GABRB3: variants seen among roughly 807,000 people sequenced by gnomAD.
GABRB3 encodes the protein gamma-aminobutyric acid type A receptor subunit beta3.
In GABRB3, 14 loss-of-function variants were observed where a neutral mutation model predicts 52.1. The ratio of observed to expected loss-of-function variants is 0.27; its 90% CI spans 0.18 to 0.42. The LOEUF (loss-of-function observed/expected upper bound fraction) is 0.42. Ranked by LOEUF, GABRB3 falls within the 10% of genes least tolerant of loss-of-function variation. GABRB3 has a pLI of 1.00. For synonymous variants in GABRB3, 260 were observed against 232.3 expected (o/e 1.12, Z -1.08); for missense variants, 307 against 609.1 (o/e 0.50, Z 5.22).
intron 4 of GABRB3, among the ~76,000 whole-genome samples, chr15:26,588,203 G>A (rs575660476): frequency 2.6e-5 from 4 of 152,192 alleles, no homozygotes; most frequent in Admixed American, 2.0e-4. Flanking sequence ...CAAAAAAGTC[G>A]ACAAAGAGAC....
chr15:26,712,707 G>A (rs1889337695), intron 3 of GABRB3, among the ~76,000 whole-genome samples: 1 of 152,180 alleles, frequency 6.6e-6, no homozygotes. Context: ...GAAGGCACTG[G>A]AAAGGCGAGG....
At chr15:26,623,877 A>G (rs1892580687) in intron 3 of GABRB3, among the ~76,000 whole-genome samples, 1 of 152,020 alleles carries the variant, frequency 6.6e-6, no homozygotes, top group Non-Finnish European at 1.5e-5. Flanking sequence ...AGCAGCCCCC[A>G]TGGCATGGTG....
chr15:26,590,044 G>T (rs548160794), intron 4 of GABRB3, among the ~76,000 whole-genome samples: 15 of 152,250 alleles, frequency 9.9e-5, no homozygotes, highest in Admixed American at 5.2e-4. Flanking sequence ...GGGGTCACCG[G>T]TCAAGAGGCT....
At chr15:26,560,813 A>G in intron 8 of GABRB3, 119 bp downstream of exon 8, 2 of 1,440,492 alleles carry the variant, frequency 1.4e-6, no homozygotes, top group Non-Finnish European at 1.9e-6. Context: ...CACAAGTACA[A>G]GAAGGGTGTG....
intron 3 of GABRB3, among the ~76,000 whole-genome samples, chr15:26,737,470 G>C (rs1252602565): frequency 1.3e-5 from 2 of 152,192 alleles, no homozygotes; most frequent in Non-Finnish European, 2.9e-5. Flanking sequence ...ATGTGTATGT[G>C]CTCAATGAAT....
chr15:26,595,603 G>C (rs1891369387), intron 4 of GABRB3, among the ~76,000 whole-genome samples: 1 of 152,118 alleles, frequency 6.6e-6, no homozygotes. Flanking sequence ...GGGGACAAGA[G>C]CTTGGAGCTT....
chr15:26,764,947 G>A lies in GABRB3; in HGVS notation c.240+7455C>T, dbSNP rs564286777. On this transcript the variant is annotated intron_variant, in intron 3 of 8. Coordinates refer to ENST00000311550, the MANE Select transcript of GABRB3 (RefSeq NM_000814.6). ...AGATCGAGACCATCCTGGCTAACAC[G>A]GTGAAAACCCGTCTCTACTAAAACC... Among the ~76,000 whole-genome samples, 15 of 152,022 alleles carry A rather than the reference G, an allele frequency of 9.9e-5. No homozygotes were observed. The South Asian group carries it at 1.0e-3, about 11-fold the overall frequency.
chr15:26,688,145 G>A (rs1260754645), intron 3 of GABRB3, among the ~76,000 whole-genome samples: 2 of 152,184 alleles, frequency 1.3e-5, no homozygotes, highest in Admixed American at 6.5e-5. Flanking sequence ...AGATGGCATA[G>A]TTTGGAGTCA....
intron 3 of GABRB3, among the ~76,000 whole-genome samples, chr15:26,722,340 AAG>A (rs1946001876): frequency 6.6e-6 from 1 of 152,162 alleles, no homozygotes; most frequent in Admixed American, 6.5e-5. Context: ...GCTTGTTTAT[AAG>A]AGAGAGAATT....
intron 3 of GABRB3, among the ~76,000 whole-genome samples, chr15:26,754,986 T>C (rs1015400414): frequency 6.7e-6 from 1 of 149,538 alleles, no homozygotes; most frequent in Non-Finnish European, 1.5e-5. Context: ...CAGATAAAAA[T>C]GGTTAGAGCC....
At chr15:26,676,450 C>G (rs771685239) in intron 3 of GABRB3, among the ~76,000 whole-genome samples, 17 of 152,170 alleles carry the variant, frequency 1.1e-4, no homozygotes, top group Admixed American at 8.5e-4. Context: ...AAAACTACCA[C>G]TTGGGAAGAT....
chr15:26,623,735 C>T (rs1323329864), intron 3 of GABRB3, among the ~76,000 whole-genome samples: 1 of 152,112 alleles, frequency 6.6e-6, no homozygotes, highest in East Asian at 1.9e-4. Flanking sequence ...AGCCCCTGTG[C>T]CCCAAGGGCC....
chr15:26,624,334 T>C, intron 3 of GABRB3: 1 of 985,580 alleles, frequency 1.0e-6, no homozygotes, highest in South Asian at 4.7e-5. Flanking sequence ...GTTACACTCG[T>C]ATTGAAATAG....
intron 4 of GABRB3, chr15:26,590,182 G>C (rs1891142499): frequency 7.3e-6 from 1 of 137,724 alleles, no homozygotes; most frequent in South Asian, 2.7e-4. Context: ...AGAGCTTTAT[G>C]GCTTCAGCTG....
At chr15:26,716,554 C>A (rs1373662469) in intron 3 of GABRB3, 1 of 986,632 alleles carries the variant, frequency 1.0e-6, no homozygotes, top group Non-Finnish European at 1.2e-6. Context: ...AACCCATAAA[C>A]CGTCTTCACC....
chr15:26,641,573 A>G (rs2140573152), intron 3 of GABRB3, among the ~76,000 whole-genome samples: 1 of 152,326 alleles, frequency 6.6e-6, no homozygotes, highest in East Asian at 1.9e-4. Flanking sequence ...TTGCCCCTCA[A>G]CTGTCCTTGA....
chr15:26,751,248 A>G (rs1195790820), intron 3 of GABRB3, among the ~76,000 whole-genome samples: 3 of 152,218 alleles, frequency 2.0e-5, no homozygotes, highest in African/African-American at 7.2e-5. Context: ...TTAACAAAGC[A>G]CGTTTTACTA....
At chr15:26,550,136 G>C (rs1454823190) in intron 8 of GABRB3, 1 of 152,150 alleles carries the variant, frequency 6.6e-6, no homozygotes, top group Non-Finnish European at 1.5e-5. Flanking sequence ...TTCAAAAGTA[G>C]AGAACTTTCT....
At chr15:26,660,166 G>A (rs1222172731) in intron 3 of GABRB3, among the ~76,000 whole-genome samples, 2 of 151,754 alleles carry the variant, frequency 1.3e-5, no homozygotes, top group Non-Finnish European at 2.9e-5. Context: ...GGAGGTGGAG[G>A]TTGCGGTGAG....
Sources: allele counts gnomAD v4.1 joint callset (sites outside exome capture counted in the v4.1 genomes callset), GRCh38; gene constraint gnomAD v4.1.1; transcripts MANE v1.5; gene names NCBI Gene and HGNC (gene_info 2026-07-23, HGNC 2026-07-21).